Variants in L3MBTL4 observed in about 807,000 individuals in gnomAD.
L3MBTL4 encodes L3MBTL histone methyl-lysine binding protein 4, also known as lethal(3)malignant brain tumor-like protein 4.
L3MBTL4 carries 70 observed loss-of-function variants against 84.5 expected under a neutral mutation model. That is an observed-to-expected ratio of 0.83 (90% CI 0.68 to 1.01). The LOEUF is 1.01. Among genes scored for constraint, L3MBTL4 ranks in the 50% least tolerant of loss-of-function variants. L3MBTL4 has a pLI of 0.00. For missense variants in L3MBTL4, 715 were observed against 754.8 expected (o/e 0.95, Z 0.62); for synonymous variants, 274 against 259.8 (o/e 1.05, Z -0.52).
At chr18:5,956,540 G>A (rs536342243) in intron 18 of L3MBTL4, among the ~76,000 whole-genome samples, 153 bp from the exon 19 acceptor site, 3 of 152,148 alleles carry the variant, frequency 2.0e-5, no homozygotes, top group Non-Finnish European at 4.4e-5. Flanking sequence ...GCTCTCACTC[G>A]GCTTAGTTAC....
At position 6,169,283 on chromosome 18, in the gene L3MBTL4, G is replaced by A. The variant is rs188475683; in HGVS notation, c.1096+2545C>T. On this transcript the variant is annotated intron_variant, in intron 13 of 18. Coordinates refer to ENST00000317931, the MANE Select transcript of L3MBTL4 (RefSeq NM_001330559.2). The stretch of plus-strand genomic sequence containing the variant: ...GAAGACAGGGTGGCAATTCCTCAGG[G>A]ATCTGGAACTAGAAATACCATTTGA... Among the ~76,000 whole-genome samples the A allele has an allele frequency of 5.3e-5, 8 of 152,254 alleles. No homozygotes were observed. In the East Asian group the frequency reaches 1.2e-3, roughly 22 times the overall value.
intron 17 of L3MBTL4, 63 bp downstream of exon 17, chr18:5,969,330 C>T (rs2052514414): frequency 6.3e-7 from 1 of 1,575,936 alleles, no homozygotes; most frequent in Non-Finnish European, 8.7e-7. Context: ...TCAGTGGGCA[C>T]CTTCCGCCTA....
intron 16 of L3MBTL4, among the ~76,000 whole-genome samples, chr18:6,051,090 A>C (rs1598568713): frequency 1.3e-5 from 2 of 152,306 alleles, no homozygotes; most frequent in East Asian, 3.9e-4. Context: ...CTAGTATTCC[A>C]CACTGTGTCT....
At chr18:6,136,814 T>C (rs613550) in intron 14 of L3MBTL4, among the ~76,000 whole-genome samples, 1 of 152,206 alleles carries the variant, frequency 6.6e-6, no homozygotes. Flanking sequence ...CTTGCTTTGT[T>C]TGTGTGTTTT....
chr18:6,117,972 G>A (rs1598806778), intron 14 of L3MBTL4, among the ~76,000 whole-genome samples: 1 of 152,038 alleles, frequency 6.6e-6, no homozygotes, highest in African/African-American at 2.4e-5. Flanking sequence ...AGGCTCAGGT[G>A]CCTGAGAACA....
At chr18:6,372,125 T>G (rs2054182117) in intron 1 of L3MBTL4, among the ~76,000 whole-genome samples, 1 of 152,202 alleles carries the variant, frequency 6.6e-6, no homozygotes, top group African/African-American at 2.4e-5. Context: ...ATGAGTTAAC[T>G]TCTTTCCTCC....
chr18:6,051,472 GA>G (rs1465188045), intron 16 of L3MBTL4, among the ~76,000 whole-genome samples: 2 of 152,122 alleles, frequency 1.3e-5, no homozygotes, highest in Non-Finnish European at 2.9e-5. Flanking sequence ...TTGCGGGGCG[GA>G]GGTTGCAGTG....
chr18:6,008,433 A>C (rs2054586426), intron 16 of L3MBTL4, among the ~76,000 whole-genome samples: 1 of 152,228 alleles, frequency 6.6e-6, no homozygotes, highest in African/African-American at 2.4e-5. Context: ...CTACAACAAA[A>C]TACTATAGAT....
At chr18:6,196,447 G>A (rs972468894) in intron 12 of L3MBTL4, among the ~76,000 whole-genome samples, 5 of 152,050 alleles carry the variant, frequency 3.3e-5, no homozygotes, top group East Asian at 3.9e-4. Context: ...ATGAGCCACC[G>A]TGCCCGGCCT....
Position 6,007,378 on chromosome 18 carries a change from C to T in L3MBTL4, c.1445-37816G>A, listed in dbSNP as rs1039540993. On this transcript the variant is annotated intron_variant, in intron 16 of 18. Coordinates refer to ENST00000317931, the MANE Select transcript of L3MBTL4 (RefSeq NM_001330559.2). ...TTACTTGTAATTAAAAAAAAACTCA[C>T]GATAAGAAAATGCAAATTAAATTTA... 6.6e-5 allele frequency among the ~76,000 whole-genome samples: 10 copies of T among 151,514 alleles called. No homozygotes were observed. The South Asian group carries it at 8.3e-4, about 13-fold the overall frequency.
At chr18:6,296,183 G>A (rs1487178764) in intron 4 of L3MBTL4, among the ~76,000 whole-genome samples, 2 of 152,130 alleles carry the variant, frequency 1.3e-5, no homozygotes, top group East Asian at 3.9e-4. Flanking sequence ...TACTATTCAA[G>A]GAGTCACCTT....
intron 16 of L3MBTL4, among the ~76,000 whole-genome samples, chr18:5,994,725 C>A (rs2053869981): frequency 6.6e-6 from 1 of 152,162 alleles, no homozygotes; most frequent in Admixed American, 6.5e-5. Flanking sequence ...AGGTAAGCGA[C>A]TCCACCAAGC....
intron 17 of L3MBTL4, among the ~76,000 whole-genome samples, chr18:5,964,194 A>G (rs1040933586): frequency 2.6e-5 from 4 of 152,242 alleles, no homozygotes; most frequent in Admixed American, 1.3e-4. Context: ...TTGGAAGGAC[A>G]CTGAGAAAGT....
At chr18:6,023,975 A>C (rs928309922) in intron 16 of L3MBTL4, among the ~76,000 whole-genome samples, 2 of 152,160 alleles carry the variant, frequency 1.3e-5, no homozygotes, top group African/African-American at 4.8e-5. Flanking sequence ...TACCTGTGTG[A>C]CTTATTTGAT....
chr18:6,291,075 T>G (rs761862935), intron 4 of L3MBTL4, among the ~76,000 whole-genome samples: 14 of 152,180 alleles, frequency 9.2e-5, no homozygotes, highest in Admixed American at 7.2e-4. Flanking sequence ...GATGAGAAAC[T>G]GACATTTTTC....
At chr18:6,304,160 A>T (rs1454967516) in intron 3 of L3MBTL4, among the ~76,000 whole-genome samples, 1 of 152,058 alleles carries the variant, frequency 6.6e-6, no homozygotes, top group East Asian at 1.9e-4. Context: ...TATTAATTTC[A>T]TTTTCCTACC....
In L3MBTL4 at chr18:6,093,356, T is replaced by G. The variant is rs1568107431; in HGVS notation, c.1372A>C (p.Arg458=). ...TCACATTTTTAAGAAGTTTCTTACC[T>G]GGGCTGACTGTTCACCTTTTCATGT... is the stretch of plus-strand genomic sequence containing the variant. ...GKHEKVNSQP[R]LVQQAKCLKI... Residue 458 remains arginine (R), a splice_region_variant and synonymous_variant, in exon 15 of 19, where the codon AGA becomes CGA. Transcript: ENST00000317931. 1.9e-6 allele frequency: 3 copies of G among 1,601,818 alleles called. No individual in the cohort carries two copies. The highest frequency in any genetic ancestry group is 2.5e-6 in the Non-Finnish European group (3 of 1,176,702).
At chr18:6,077,359 T>G (rs7239332) in intron 16 of L3MBTL4, among the ~76,000 whole-genome samples, 4,090 of 152,228 alleles carry the variant, frequency 0.027, 166 homozygotes, top group African/African-American at 0.094. Context: ...AATTAAAATT[T>G]TTATCATCCA....
chr18:6,407,707 G>T (rs1019842954), intron 1 of L3MBTL4, among the ~76,000 whole-genome samples: 1 of 152,176 alleles, frequency 6.6e-6, no homozygotes, highest in African/African-American at 2.4e-5. Context: ...GAGTAAGCTT[G>T]TCACTAGTTG....
Sources: gnomAD v4.1 joint callset for allele counts (sites outside exome capture counted in the v4.1 genomes callset) on GRCh38, gnomAD v4.1.1 for gene constraint, MANE v1.5 for transcripts, NCBI Gene and HGNC (gene_info 2026-07-23, HGNC 2026-07-21) for gene names.